SUPT3H: variants seen among roughly 807,000 people sequenced by gnomAD.
SUPT3H encodes SPT3 homolog, SAGA and STAGA complex component.
Under a neutral mutation model 44.3 loss-of-function variants are expected in SUPT3H, and 44 were observed. The ratio of observed to expected loss-of-function variants is 0.99; its 90% CI spans 0.78 to 1.28. SUPT3H has a LOEUF of 1.28. Ranked by LOEUF, SUPT3H falls within the 50% of genes most tolerant of loss-of-function variation. The probability of loss-of-function intolerance (pLI) is 0.00; values close to 1 mark genes in which losing one functional copy is unlikely to be tolerated. For synonymous variants in SUPT3H, 124 were observed against 125.6 expected, an observed-to-expected ratio of 0.99 and a Z score of 0.09; for missense variants, 380 against 387.1, an observed-to-expected ratio of 0.98 and a Z score of 0.15.
At chr6:45,131,019 G>A (rs28532638) in intron 2 of SUPT3H, among the ~76,000 whole-genome samples, 4 of 151,820 alleles carry the variant, frequency 2.6e-5, no homozygotes, top group Non-Finnish European at 4.4e-5. Flanking sequence ...GCCCAGCCAA[G>A]AACACTTTTA....
At chr6:45,110,585 GAA>G (rs1799912946) in intron 2 of SUPT3H, among the ~76,000 whole-genome samples, 1 of 150,808 alleles carries the variant, frequency 6.6e-6, no homozygotes, top group Non-Finnish European at 1.5e-5. Flanking sequence ...AAAAAAAGGA[GAA>G]AGATTTCTTA....
At position 45,068,991 on chromosome 6, in the gene SUPT3H, T is replaced by TA. The variant is rs937282931; in HGVS notation, c.186+36930dup. Among the ~76,000 whole-genome samples the TA allele has an allele frequency of 1.4e-4, 20 of 144,524 alleles. No individual in the cohort carries two copies. The East Asian group carries it at 2.6e-3, about 19-fold the overall frequency. The allele number at this position is 144,524 out of a possible 152,430, so 94.8% of individuals were successfully genotyped here. On this transcript the variant is annotated intron_variant, in intron 3 of 10. Coordinates refer to ENST00000371459, the MANE Select transcript of SUPT3H (RefSeq NM_003599.4). ...GTTTTACTTTGCAAAAAAAAAAAAA[T>TA]AAAAAAAATAAAATAAAATAAAGAG...
intron 10 of SUPT3H, 94 bp from the exon 11 acceptor site, chr6:44,829,951 A>T (rs772433288): frequency 3.2e-5 from 36 of 1,128,934 alleles, no homozygotes; most frequent in Non-Finnish European, 4.7e-5. Context: ...CCTGTTTTGT[A>T]GACTCTGCTG....
intron 10 of SUPT3H, among the ~76,000 whole-genome samples, chr6:44,860,182 CA>C (rs1255568530): frequency 1.3e-5 from 2 of 152,182 alleles, no homozygotes; most frequent in African/African-American, 4.8e-5. Flanking sequence ...TGAAGCCATT[CA>C]AATTCCCAGA....
chr6:45,002,179 G>A (rs1174384988), intron 6 of SUPT3H, among the ~76,000 whole-genome samples: 1 of 151,964 alleles, frequency 6.6e-6, no homozygotes, highest in Non-Finnish European at 1.5e-5. Flanking sequence ...AAGAAGAAGT[G>A]TACAGACTGC....
rs536798483 is a variant in SUPT3H at position 44,887,407 on chromosome 6, T to C, written c.912+45246A>G. On this transcript the variant is annotated intron_variant, in intron 10 of 10. Transcript: ENST00000371459. ...AGCAAATGTAAAAGAACAGAAATTA[T>C]AACAAACTGTCTCTCAGACCACAGT... 2.6e-5 allele frequency among the ~76,000 whole-genome samples: 4 copies of C among 152,238 alleles called. No individual in the cohort carries two copies. The South Asian group carries it at 6.2e-4, about 24-fold the overall frequency.
At chr6:45,040,809 C>A (rs1028534959) in intron 3 of SUPT3H, among the ~76,000 whole-genome samples, 6 of 152,152 alleles carry the variant, frequency 3.9e-5, no homozygotes, top group Non-Finnish European at 7.4e-5. Context: ...CAATATGTCA[C>A]AAGTTTTTAA....
In SUPT3H at chr6:44,816,358, CTT is replaced by C. The variant is rs1373281732; in HGVS notation, c.*53-6859_*53-6858del. Among the ~76,000 whole-genome samples the C allele has an allele frequency of 2.0e-5, 3 of 152,154 alleles. No individual in the cohort carries two copies. The East Asian group carries it at 5.8e-4, about 29-fold the overall frequency. On this transcript the variant is annotated intron_variant and NMD_transcript_variant, in intron 11 of 11. Transcript: ENST00000475057. Reference sequence around the variant, plus strand: ...TTTAATGAACAACTTTATGCCAAAACTTTTGTTAACTTAGATAAGGGACAAAT... The same window carrying C: ...TTTAATGAACAACTTTATGCCAAAACTTGTTAACTTAGATAAGGGACAAAT...
chr6:45,088,327 T>C (rs1429740578), intron 3 of SUPT3H, among the ~76,000 whole-genome samples: 1 of 152,058 alleles, frequency 6.6e-6, no homozygotes, highest in Non-Finnish European at 1.5e-5. Flanking sequence ...AAATACTGCA[T>C]GCTATGAATC....
At chr6:45,312,665 A>G (rs1784125201) in intron 2 of SUPT3H, among the ~76,000 whole-genome samples, 1 of 118,330 alleles carries the variant, frequency 8.5e-6, no homozygotes. Context: ...AATGAGATAG[A>G]CAGCAACACA....
intron 2 of SUPT3H, among the ~76,000 whole-genome samples, chr6:45,135,163 GCTGAAGTCTC>G (rs760964678): frequency 1.3e-5 from 2 of 152,158 alleles, no homozygotes; most frequent in Non-Finnish European, 2.9e-5. Flanking sequence ...GGCAGTGAAG[GCTGAAGTCTC>G]CCTGGCACCT....
intron 2 of SUPT3H, among the ~76,000 whole-genome samples, chr6:45,141,338 CAAAAAAAAAA>C (rs1162738855): frequency 2.2e-5 from 1 of 45,280 alleles, no homozygotes; most frequent in South Asian, 1.6e-3. Flanking sequence ...GACTCCATCT[CAAAAAAAAAA>C]AAAAAAAAAA....
intron 2 of SUPT3H, among the ~76,000 whole-genome samples, chr6:45,339,653 A>G (rs1789348083): frequency 6.6e-6 from 1 of 152,166 alleles, no homozygotes; most frequent in Non-Finnish European, 1.5e-5. Flanking sequence ...AGCCAAAAAC[A>G]TTAATATTCT....
chr6:45,158,204 A>G lies in SUPT3H; in HGVS notation c.102-52198T>C, dbSNP rs1343110725. 1.4e-4 allele frequency among the ~76,000 whole-genome samples: 6 copies of G among 41,502 alleles called. No individual in the cohort carries two copies. In the East Asian group the frequency reaches 5.3e-3, roughly 37 times the overall value. The allele number at this position is 41,502 out of a possible 152,430, so 27.2% of individuals were successfully genotyped here. A position where few individuals can be genotyped will look rare whatever the true frequency, so the allele number is the denominator to read the frequency against. Reference sequence around the variant, plus strand: ...ATTGGTCTGGGTAGAAACCATAGAGATAGATAGATAGATAGATAGATAGAT... The same window carrying G: ...ATTGGTCTGGGTAGAAACCATAGAGGTAGATAGATAGATAGATAGATAGAT... On this transcript the variant is annotated intron_variant, in intron 2 of 10. Transcript: ENST00000371459.
At chr6:45,374,664 T>C (rs1251390863) in intron 1 of SUPT3H, among the ~76,000 whole-genome samples, 1 of 152,166 alleles carries the variant, frequency 6.6e-6, no homozygotes, top group Non-Finnish European at 1.5e-5. Context: ...CACCATAAAA[T>C]AAAATCAGTG....
At chr6:45,373,852 CTG>C (rs1796425187) in intron 1 of SUPT3H, among the ~76,000 whole-genome samples, 1 of 152,192 alleles carries the variant, frequency 6.6e-6, no homozygotes, top group African/African-American at 2.4e-5. Context: ...CACACCCAGC[CTG>C]TGACTTACAA....
chr6:44,849,519 G>A (rs1424116164), intron 10 of SUPT3H, among the ~76,000 whole-genome samples: 5 of 152,080 alleles, frequency 3.3e-5, no homozygotes, highest in African/African-American at 4.8e-5. Flanking sequence ...GAGCCACCGC[G>A]CCCGGCCATG....
intron 10 of SUPT3H, among the ~76,000 whole-genome samples, chr6:44,830,179 G>A (rs888603607): frequency 6.6e-6 from 1 of 152,146 alleles, no homozygotes; most frequent in Admixed American, 6.5e-5. Flanking sequence ...ATAAACATGT[G>A]TTCTCTATTC....
chr6:44,811,472 T>C (rs1043212973), intron 11 of SUPT3H, among the ~76,000 whole-genome samples: 1 of 152,220 alleles, frequency 6.6e-6, no homozygotes, highest in Admixed American at 6.5e-5. Context: ...CAGTCATTGG[T>C]AGTGTGCCAA....
Sources: gnomAD v4.1 joint callset for allele counts (sites outside exome capture counted in the v4.1 genomes callset) on GRCh38, gnomAD v4.1.1 for gene constraint, MANE v1.5 for transcripts, NCBI Gene and HGNC (gene_info 2026-07-23, HGNC 2026-07-21) for gene names.